The following NRG2 variants were observed in gnomAD, a reference collection of about 807,000 sequenced individuals.
NRG2 encodes neuregulin 2.
In NRG2, 27 loss-of-function variants were observed where a neutral mutation model predicts 73.9. The ratio of observed to expected loss-of-function variants is 0.37; its 90% CI spans 0.27 to 0.50. The LOEUF (loss-of-function observed/expected upper bound fraction) is 0.50, where lower values mean the gene tolerates loss of function less well. NRG2 is among the 20% of genes least tolerant of loss of function. The pLI, the probability that NRG2 is intolerant of heterozygous loss-of-function variation, is 0.96. For missense variants in NRG2, 1,126 were observed against 1,210.1 expected, an observed-to-expected ratio of 0.93 and a Z score of 1.03; for synonymous variants, 532 against 541.0, an observed-to-expected ratio of 0.98 and a Z score of 0.23.
At chr5:139,896,358 G>A (rs1189031059) in intron 1 of NRG2, among the ~76,000 whole-genome samples, 7 of 152,188 alleles carry the variant, frequency 4.6e-5, no homozygotes, top group Non-Finnish European at 1.0e-4. Flanking sequence ...TGCAGAGCAG[G>A]AACAGGCTCA....
chr5:139,855,745 G>A lies in NRG2; in HGVS notation c.1223C>T (p.Thr408Ile). ...AEELYQKRVL[T>I]ITGICVALLV... ...CAGAGCCACGCAGATGCCCGTGATG[G>A]TCAGGACCCTCTTCTGGTACAGCTC... Residue 408 changes from threonine to isoleucine, a missense_variant, in exon 6 of 10, where the codon ACC becomes ATC. Transcript: ENST00000361474. The A allele has an allele frequency of 1.2e-6, 2 of 1,614,120 alleles. No homozygotes were observed. The highest frequency in any genetic ancestry group is 1.6e-4 in the Middle Eastern group (1 of 6,062).
intron 1 of NRG2, among the ~76,000 whole-genome samples, chr5:140,041,447 G>A (rs1186488825): frequency 6.6e-6 from 1 of 152,006 alleles, no homozygotes; most frequent in African/African-American, 2.4e-5. Context: ...CTTTTGACAT[G>A]GGAGACTTCC....
chr5:139,937,385 G>A (rs973392202), intron 1 of NRG2, among the ~76,000 whole-genome samples: 1 of 152,108 alleles, frequency 6.6e-6, no homozygotes, highest in African/African-American at 2.4e-5. Context: ...AAAATTAAAT[G>A]CTTTTCCCTT....
chr5:139,990,699 C>A (rs1757556210), intron 1 of NRG2, among the ~76,000 whole-genome samples: 1 of 152,176 alleles, frequency 6.6e-6, no homozygotes, highest in African/African-American at 2.4e-5. Context: ...CAAATGGGTG[C>A]TAAAAGTTAT....
chr5:139,917,948 A>C (rs953620058), intron 1 of NRG2, among the ~76,000 whole-genome samples: 3 of 152,182 alleles, frequency 2.0e-5, no homozygotes, highest in African/African-American at 7.2e-5. Flanking sequence ...ATGGTGTCAT[A>C]TCTTAGAAAC....
rs751210857 is a variant in NRG2 at position 139,887,003 on chromosome 5, C to T, written c.872+337G>A. Among the ~76,000 whole-genome samples the T allele has an allele frequency of 9.9e-5, 15 of 152,194 alleles. No homozygotes were observed. Among genetic ancestry groups the T allele is most frequent in the Non-Finnish European group, 1.6e-4 (11 of 68,042 alleles). On this transcript the variant is annotated intron_variant, in intron 2 of 9. Transcript: ENST00000361474. The surrounding 1 kb of genome is among the most constrained non-coding windows in gnomAD (Gnocchi z 4.5). ...ATTGCCAAATGTTGGGGCTTTCAGA[C>T]GCTACAGCAGGTTTTTCAAGAAGTT...
intron 3 of NRG2, among the ~76,000 whole-genome samples, chr5:139,874,236 A>G (rs1763037255): frequency 6.6e-6 from 1 of 152,188 alleles, no homozygotes; most frequent in Admixed American, 6.5e-5. Context: ...CAGCGTATCC[A>G]TATCTCTCAC....
intron 2 of NRG2, among the ~76,000 whole-genome samples, chr5:139,884,053 G>A (rs982577965): frequency 6.6e-6 from 1 of 152,202 alleles, no homozygotes; most frequent in Non-Finnish European, 1.5e-5. Flanking sequence ...TCTACACCCA[G>A]GAGAGGAGGG....
rs115897892 is a variant in NRG2, at chr5:139,952,343, T to C, written c.701-64832A>G. ...TTAAACTACACAATCCATGAACTACTGAAGGTGGGAAGAGGAAAAGAGGAA... is the reference window on the plus strand; with the variant it reads ...TTAAACTACACAATCCATGAACTACCGAAGGTGGGAAGAGGAAAAGAGGAA... On this transcript the variant is annotated intron_variant, in intron 1 of 9. Coordinates refer to ENST00000361474, the MANE Select transcript of NRG2 (RefSeq NM_004883.3). Among the ~76,000 whole-genome samples the C allele has an allele frequency of 2.6e-3, 396 of 151,906 alleles. 4 individuals carry two copies. The highest frequency in any genetic ancestry group is 9.1e-3 in the African/African-American group (377 of 41,374).
Position 139,887,294 on chromosome 5 carries a change from A to C in NRG2, c.872+46T>G. Reference sequence around the variant, plus strand: ...GTTCAGGCCACTCCTTCTCGAGAGGAGGGAGGGCAGCTGCTTGGATGGAGG... The same window carrying C: ...GTTCAGGCCACTCCTTCTCGAGAGGCGGGAGGGCAGCTGCTTGGATGGAGG... On this transcript the variant is annotated intron_variant, in intron 2 of 9. Coordinates refer to ENST00000361474, the MANE Select transcript of NRG2 (RefSeq NM_004883.3). This position sits in a 1 kb window ranked among gnomAD's most constrained non-coding sequence, Gnocchi z 4.5. 6.2e-7 allele frequency: 1 copy of C among 1,602,914 alleles called. No homozygotes were observed. The highest frequency in any genetic ancestry group is 8.5e-7 in the Non-Finnish European group (1 of 1,172,408).
At chr5:140,040,939 A>G (rs1761868213) in intron 1 of NRG2, among the ~76,000 whole-genome samples, 1 of 152,164 alleles carries the variant, frequency 6.6e-6, no homozygotes, top group Non-Finnish European at 1.5e-5. Context: ...CCTCCTTATT[A>G]AGACATTGCC....
At chr5:140,018,499 C>T (rs1041285070) in intron 1 of NRG2, among the ~76,000 whole-genome samples, 1 of 152,142 alleles carries the variant, frequency 6.6e-6, no homozygotes, top group Admixed American at 6.5e-5. Flanking sequence ...TAGTGAAATG[C>T]CACCCACATC....
chr5:139,989,932 GTGCC>G (rs1561733789), intron 1 of NRG2, among the ~76,000 whole-genome samples: 3 of 151,080 alleles, frequency 2.0e-5, no homozygotes, highest in African/African-American at 7.3e-5. Flanking sequence ...GGGACTACAG[GTGCC>G]CACCACCACG....
chr5:139,848,750 GAGGGGGGGT>G, intron 9 of NRG2, 53 bp from the exon 10 acceptor site: 6 of 1,065,922 alleles, frequency 5.6e-6, no homozygotes, highest in Non-Finnish European at 3.8e-6. Context: ...CGGCGCGGGG[GAGGGGGGGT>G]TGGGGGTGGG....
intron 1 of NRG2, among the ~76,000 whole-genome samples, chr5:140,009,579 G>A (rs898760093): frequency 3.9e-5 from 6 of 152,140 alleles, no homozygotes; most frequent in Non-Finnish European, 8.8e-5. Context: ...ACTGCCAAAC[G>A]CTCTTCCAAA....
chr5:140,036,996 C>T (rs1561770085), intron 1 of NRG2, among the ~76,000 whole-genome samples: 1 of 152,228 alleles, frequency 6.6e-6, no homozygotes, highest in East Asian at 1.9e-4. Context: ...CCCTGATCCT[C>T]TGAAATTTTA....
At chr5:139,889,839 T>C (rs1448327064) in intron 1 of NRG2, among the ~76,000 whole-genome samples, 2 of 152,210 alleles carry the variant, frequency 1.3e-5, no homozygotes, top group Non-Finnish European at 2.9e-5. Flanking sequence ...CTTCCACAGC[T>C]GTAAAATACA....
chr5:140,025,873 G>A (rs1760644876), intron 1 of NRG2, among the ~76,000 whole-genome samples: 3 of 152,286 alleles, frequency 2.0e-5, no homozygotes, highest in East Asian at 3.9e-4. Flanking sequence ...CTGGAGGACC[G>A]CACACACACT....
At chr5:140,000,330 G>T (rs776785655) in intron 1 of NRG2, among the ~76,000 whole-genome samples, 1 of 152,354 alleles carries the variant, frequency 6.6e-6, no homozygotes, top group South Asian at 2.1e-4. Flanking sequence ...GCATTTAGCA[G>T]TACCACCCCT....
Sources: allele counts gnomAD v4.1 joint callset (sites outside exome capture counted in the v4.1 genomes callset), GRCh38; gene constraint gnomAD v4.1.1; non-coding constraint Gnocchi (gnomAD v3.1); transcripts MANE v1.5; gene names NCBI Gene and HGNC (gene_info 2026-07-23, HGNC 2026-07-21).